Variants in ERP44 observed in about 807,000 individuals in gnomAD.
The protein encoded by ERP44 is endoplasmic reticulum resident protein 44.
ERP44 carries 25 observed loss-of-function variants against 53.4 expected under a neutral mutation model. The ratio of observed to expected loss-of-function variants is 0.47; its 90% CI spans 0.34 to 0.65. The LOEUF (loss-of-function observed/expected upper bound fraction) is 0.65, where lower values mean the gene tolerates loss of function less well. ERP44 is among the 30% of genes least tolerant of loss of function. ERP44 has a pLI of 0.01. For missense variants in ERP44, 338 were observed against 493.2 expected (o/e 0.69, Z 2.98); for synonymous variants, 145 against 161.2 (o/e 0.90, Z 0.76).
chr9:100,034,768 G>C (rs1165802480), intron 4 of ERP44, among the ~76,000 whole-genome samples: 1 of 152,044 alleles, frequency 6.6e-6, no homozygotes, highest in Non-Finnish European at 1.5e-5. Context: ...AATAGCCAAA[G>C]CAAACCTAGG....
At chr9:100,088,764 G>A (rs1422963803) in intron 1 of ERP44, among the ~76,000 whole-genome samples, 1 of 152,190 alleles carries the variant, frequency 6.6e-6, no homozygotes, top group Non-Finnish European at 1.5e-5. Context: ...AGGGTGGTGA[G>A]TAGCAGATCC....
At chr9:100,068,326 G>GT (rs1826251453) in intron 1 of ERP44, among the ~76,000 whole-genome samples, 2 of 139,808 alleles carry the variant, frequency 1.4e-5, no homozygotes, top group Admixed American at 6.8e-5. Context: ...CGTCCGGGAG[G>GT]GAGGTGGGGG....
At chr9:100,032,551 A>G (rs536919633) in intron 4 of ERP44, among the ~76,000 whole-genome samples, 5 of 152,316 alleles carry the variant, frequency 3.3e-5, no homozygotes, top group East Asian at 1.9e-4. Flanking sequence ...TTGTATAAAT[A>G]TGTTACTGGT....
chr9:100,074,017 T>C (rs1826332125), intron 1 of ERP44, among the ~76,000 whole-genome samples: 1 of 152,170 alleles, frequency 6.6e-6, no homozygotes, highest in African/African-American at 2.4e-5. Context: ...CTAAAGACTA[T>C]TATACACTTA....
At chr9:99,995,839 T>C (rs141002947) in intron 10 of ERP44, among the ~76,000 whole-genome samples, 5 of 152,034 alleles carry the variant, frequency 3.3e-5, no homozygotes, top group Non-Finnish European at 5.9e-5. Context: ...AACATAGGAG[T>C]GCAGATATTT....
At chr9:100,068,464 T>G (rs1292336104) in intron 1 of ERP44, among the ~76,000 whole-genome samples, 1 of 109,894 alleles carries the variant, frequency 9.1e-6, no homozygotes, top group Non-Finnish European at 1.9e-5. Flanking sequence ...CGGCCGCCCC[T>G]ACTGGGAAGT....
chr9:99,985,678 T>C (rs575758201), intron 10 of ERP44, among the ~76,000 whole-genome samples: 2 of 152,206 alleles, frequency 1.3e-5, no homozygotes, highest in Non-Finnish European at 2.9e-5. Context: ...TTCATCAAAT[T>C]AACCTGAACC....
At chr9:100,003,811 C>T (rs1332334890) in intron 10 of ERP44, among the ~76,000 whole-genome samples, 1 of 150,156 alleles carries the variant, frequency 6.7e-6, no homozygotes, top group African/African-American at 2.5e-5. Context: ...TGGGAGTGGG[C>T]CTGGGTCAAG....
At position 99,982,416 on chromosome 9, in the gene ERP44, GTT is replaced by G. The variant is rs34197217; in HGVS notation, c.*194_*195del. On this transcript the variant is annotated 3_prime_UTR_variant, in exon 12 of 12. Transcript: ENST00000262455. ...GATTTTTATTTTTAAATCCTAGCAGGTTTTTTTTTTTTAAGAGGCTACTATAT... is the reference window on the plus strand; with the variant it reads ...GATTTTTATTTTTAAATCCTAGCAGGTTTTTTTTTTAAGAGGCTACTATAT... 4 of 227,062 alleles carry G rather than the reference GTT, an allele frequency of 1.8e-5. No homozygotes were observed. The highest frequency in any genetic ancestry group is 3.3e-5 in the Non-Finnish European group (4 of 121,356). 14.1% of individuals were successfully genotyped at this position (227,062 alleles called of 1,614,324 possible).
chr9:100,047,115 T>A (rs1050503494), intron 4 of ERP44, among the ~76,000 whole-genome samples: 2 of 152,320 alleles, frequency 1.3e-5, no homozygotes, highest in Admixed American at 1.3e-4. Context: ...ATCACAGACA[T>A]AAGTATAAAC....
chr9:100,035,011 G>A (rs1399063596), intron 4 of ERP44, among the ~76,000 whole-genome samples: 2 of 152,126 alleles, frequency 1.3e-5, no homozygotes, highest in Non-Finnish European at 2.9e-5. Context: ...TGGAATAACT[G>A]GCTATCCATA....
intron 3 of ERP44, 42 bp downstream of exon 3, chr9:100,057,778 C>T (rs1268283105): frequency 6.7e-7 from 1 of 1,489,068 alleles, no homozygotes; most frequent in Non-Finnish European, 9.3e-7. Flanking sequence ...TAACCTTTAG[C>T]AAGTAAAAAC....
intron 4 of ERP44, among the ~76,000 whole-genome samples, chr9:100,033,965 G>T (rs924882550): frequency 1.3e-5 from 2 of 152,136 alleles, no homozygotes; most frequent in Non-Finnish European, 2.9e-5. Context: ...AGGATTAAGG[G>T]TTCCCTTGTA....
chr9:99,989,677 G>C (rs1363490723), intron 10 of ERP44, among the ~76,000 whole-genome samples: 1 of 151,862 alleles, frequency 6.6e-6, no homozygotes, highest in Admixed American at 6.6e-5. Flanking sequence ...ATGGAACAAA[G>C]CAGGAAAGTT....
At chr9:100,055,732 T>C (rs1587976395) in intron 3 of ERP44, among the ~76,000 whole-genome samples, 1 of 152,326 alleles carries the variant, frequency 6.6e-6, no homozygotes, top group African/African-American at 2.4e-5. Context: ...TAAATATATA[T>C]ACCTACTATG....
intron 1 of ERP44, among the ~76,000 whole-genome samples, chr9:100,078,200 G>A (rs1172732061): frequency 1.3e-5 from 2 of 152,346 alleles, no homozygotes; most frequent in East Asian, 3.9e-4. Context: ...GCTCATGCCT[G>A]TAATTCCAGT....
At chr9:100,030,476 C>T (rs1485179258) in intron 4 of ERP44, among the ~76,000 whole-genome samples, 4 of 152,136 alleles carry the variant, frequency 2.6e-5, no homozygotes, top group Non-Finnish European at 5.9e-5. Flanking sequence ...TTAAAGGCCC[C>T]TCTTAATAAA....
At chr9:100,046,546 G>A (rs2118697998) in intron 4 of ERP44, among the ~76,000 whole-genome samples, 1 of 152,082 alleles carries the variant, frequency 6.6e-6, no homozygotes, top group Middle Eastern at 3.4e-3. Flanking sequence ...GAAATACTTA[G>A]GAATAAATCT....
intron 4 of ERP44, among the ~76,000 whole-genome samples, chr9:100,025,058 T>TC (rs1438737134): frequency 6.6e-6 from 1 of 152,092 alleles, no homozygotes; most frequent in Non-Finnish European, 1.5e-5. Context: ...GCCCAGGAGT[T>TC]CAAGACTAGA....
Sources: allele counts gnomAD v4.1 joint callset (sites outside exome capture counted in the v4.1 genomes callset), GRCh38; gene constraint gnomAD v4.1.1; transcripts MANE v1.5; gene names NCBI Gene and HGNC (gene_info 2026-07-23, HGNC 2026-07-21).